The following PCDH15 variants were observed in gnomAD, a reference collection of about 807,000 sequenced individuals.
The protein encoded by PCDH15 is protocadherin related 15, also known as protocadherin-15.
Under a neutral mutation model 178.5 loss-of-function variants are expected in PCDH15, and 129 were observed. The ratio of observed to expected loss-of-function variants is 0.72; its 90% CI spans 0.63 to 0.84. The LOEUF is 0.84. Ranked by LOEUF, PCDH15 falls within the 40% of genes least tolerant of loss-of-function variation. The pLI, the probability that PCDH15 is intolerant of heterozygous loss-of-function variation, is 0.00. For missense variants in PCDH15, 2,230 were observed against 2,099.9 expected (o/e 1.06, Z -1.21); for synonymous variants, 800 against 732.0 (o/e 1.09, Z -1.50).
chr10:55,424,495 G>A (rs772324456), intron 2 of PCDH15, among the ~76,000 whole-genome samples: 2 of 152,092 alleles, frequency 1.3e-5, no homozygotes, highest in Non-Finnish European at 2.9e-5. Flanking sequence ...CATCTTTTCT[G>A]GCTCGCAATT....
In PCDH15 at chr10:54,512,918, G is replaced by A. The variant is rs1231218488; in HGVS notation, c.157+14894C>T. Reference sequence around the variant, plus strand: ...ACCATCAAAAGTTAAAAACTAAAGCGAGCCATTTTCCAAGAATTAGACAGT... The same window carrying A: ...ACCATCAAAAGTTAAAAACTAAAGCAAGCCATTTTCCAAGAATTAGACAGT... On this transcript the variant is annotated intron_variant, in intron 3 of 37. Coordinates refer to ENST00000644397, the MANE Select transcript of PCDH15 (RefSeq NM_001384140.1). 3.3e-5 allele frequency among the ~76,000 whole-genome samples: 5 copies of A among 151,810 alleles called. No individual in the cohort carries two copies. The South Asian group carries it at 6.2e-4, about 19-fold the overall frequency.
chr10:55,550,913 T>C (rs1841991432), intron 2 of PCDH15, among the ~76,000 whole-genome samples: 1 of 152,108 alleles, frequency 6.6e-6, no homozygotes. Flanking sequence ...ACAGATGAAC[T>C]TCCTTCCAAT....
At chr10:54,848,484 G>C (rs1953552826) in intron 3 of PCDH15, among the ~76,000 whole-genome samples, 1 of 151,576 alleles carries the variant, frequency 6.6e-6, no homozygotes, top group Non-Finnish European at 1.5e-5. Context: ...CTAACATGTA[G>C]CACACTCAGC....
chr10:54,944,515 G>C (rs1838144271), intron 2 of PCDH15, among the ~76,000 whole-genome samples: 1 of 151,908 alleles, frequency 6.6e-6, no homozygotes, highest in Non-Finnish European at 1.5e-5. Flanking sequence ...TAATGCTCAA[G>C]AATTATCTAG....
chr10:54,593,899 C>T (rs2092042830), intron 2 of PCDH15, among the ~76,000 whole-genome samples: 1 of 151,656 alleles, frequency 6.6e-6, no homozygotes, highest in Admixed American at 6.6e-5. Context: ...TAGATGCAGC[C>T]AGGAGAAACA....
At chr10:54,498,138 C>T (rs557621974) in intron 3 of PCDH15, among the ~76,000 whole-genome samples, 1 of 152,166 alleles carries the variant, frequency 6.6e-6, no homozygotes, top group South Asian at 2.1e-4. Flanking sequence ...CCAGAACAAA[C>T]TGAGGTCCTA....
chr10:55,224,597 C>T (rs1304752816), intron 1 of PCDH15, among the ~76,000 whole-genome samples: 4 of 152,072 alleles, frequency 2.6e-5, no homozygotes, highest in South Asian at 4.1e-4. Context: ...AGCACAGAAG[C>T]GTGCAAGGCC....
At chr10:55,197,312 T>A (rs1840119234) in intron 1 of PCDH15, among the ~76,000 whole-genome samples, 1 of 152,056 alleles carries the variant, frequency 6.6e-6, no homozygotes, top group Non-Finnish European at 1.5e-5. Context: ...TTATCTCTAT[T>A]TATTCAATAA....
chr10:54,127,443 G>A (rs888059649), intron 15 of PCDH15, among the ~76,000 whole-genome samples: 3 of 152,152 alleles, frequency 2.0e-5, no homozygotes, highest in Non-Finnish European at 2.9e-5. Flanking sequence ...TTGACTATTT[G>A]TAGAAGTGTT....
At chr10:55,148,877 A>T (rs1838606118) in intron 2 of PCDH15, among the ~76,000 whole-genome samples, 1 of 149,354 alleles carries the variant, frequency 6.7e-6, no homozygotes, top group Non-Finnish European at 1.5e-5. Flanking sequence ...ATGGGTTTTC[A>T]GCAAGATTTC....
At chr10:55,573,028 T>A (rs1038862490) in intron 2 of PCDH15, among the ~76,000 whole-genome samples, 1 of 152,012 alleles carries the variant, frequency 6.6e-6, no homozygotes, top group Non-Finnish European at 1.5e-5. Flanking sequence ...TTAGACAATG[T>A]GACAAGAAGA....
chr10:54,137,413 T>C (rs1027736913), intron 14 of PCDH15, among the ~76,000 whole-genome samples: 5 of 152,134 alleles, frequency 3.3e-5, no homozygotes, highest in Non-Finnish European at 7.4e-5. Flanking sequence ...TACCCAATAG[T>C]TCCATAAATA....
intron 2 of PCDH15, among the ~76,000 whole-genome samples, chr10:54,577,580 G>T (rs931502998): frequency 1.6e-4 from 24 of 152,000 alleles, no homozygotes; most frequent in Non-Finnish European, 2.9e-4. Context: ...TAATTTCATG[G>T]TATCACTCCA....
chr10:53,807,483 A>AAAGTT (rs1440292232), intron 37 of PCDH15, among the ~76,000 whole-genome samples: 1 of 152,172 alleles, frequency 6.6e-6, no homozygotes. Flanking sequence ...ACTATTCAGG[A>AAAGTT]AAGTTAAATT....
chr10:54,296,306 G>A (rs2059782936), intron 8 of PCDH15, among the ~76,000 whole-genome samples: 1 of 151,960 alleles, frequency 6.6e-6, no homozygotes. Flanking sequence ...GTACTTCTGG[G>A]CTGAGCCGAG....
intron 2 of PCDH15, among the ~76,000 whole-genome samples, chr10:54,928,034 C>T (rs1418708336): frequency 2.6e-5 from 4 of 151,982 alleles, no homozygotes; most frequent in African/African-American, 4.8e-5. Flanking sequence ...ATAATGTCAC[C>T]AGTCTGTGTA....
intron 8 of PCDH15, among the ~76,000 whole-genome samples, chr10:54,308,618 C>T (rs185312386): frequency 6.6e-6 from 1 of 152,156 alleles, no homozygotes; most frequent in Admixed American, 6.6e-5. Flanking sequence ...CCTTTGCTTT[C>T]ATATTACTTC....
chr10:55,465,123 T>A (rs1267650284), intron 2 of PCDH15, among the ~76,000 whole-genome samples: 1 of 151,994 alleles, frequency 6.6e-6, no homozygotes, highest in Non-Finnish European at 1.5e-5. Flanking sequence ...ACAGGGTGTG[T>A]ATGCACACAC....
At chr10:55,096,436 C>T (rs954926823) in intron 2 of PCDH15, among the ~76,000 whole-genome samples, 3 of 152,066 alleles carry the variant, frequency 2.0e-5, no homozygotes, top group Admixed American at 6.6e-5. Context: ...ATGATTACCA[C>T]GATCAAGCTA....
Sources: allele counts gnomAD v4.1 joint callset (sites outside exome capture counted in the v4.1 genomes callset), GRCh38; gene constraint gnomAD v4.1.1; transcripts MANE v1.5; gene names NCBI Gene and HGNC (gene_info 2026-07-23, HGNC 2026-07-21).